The following MYO16 variants were observed in gnomAD, a reference collection of about 807,000 sequenced individuals.
MYO16 encodes unconventional myosin-XVI.
In MYO16, 94 loss-of-function variants were observed where a neutral mutation model predicts 205.3. The ratio of observed to expected loss-of-function variants is 0.46; its 90% CI spans 0.39 to 0.54. The LOEUF is 0.54. Among genes scored for constraint, MYO16 ranks in the 20% least tolerant of loss-of-function variants. The probability of loss-of-function intolerance (pLI) is 0.00; values close to 1 mark genes in which losing one functional copy is unlikely to be tolerated. For missense variants in MYO16, 2,315 were observed against 2,387.5 expected (o/e 0.97, Z 0.63); for synonymous variants, 988 against 954.0 (o/e 1.04, Z -0.66).
chr13:108,687,861 T>C (rs1175426916), intron 2 of MYO16, among the ~76,000 whole-genome samples: 3 of 152,126 alleles, frequency 2.0e-5, no homozygotes. Context: ...AAAATATAAT[T>C]TGAGAGCCTT....
chr13:108,767,370 G>A (rs1242286011), intron 4 of MYO16, among the ~76,000 whole-genome samples: 1 of 152,156 alleles, frequency 6.6e-6, no homozygotes, highest in Non-Finnish European at 1.5e-5. Flanking sequence ...CCAAAGTGCT[G>A]GGATTACAGG....
the MYO16 span, among the ~76,000 whole-genome samples, chr13:108,579,585 C>T: frequency 6.6e-6 from 1 of 151,796 alleles, no homozygotes; most frequent in Admixed American, 6.6e-5. Flanking sequence ...GGATTACAGG[C>T]GCCCTCCATC....
At chr13:108,836,660 T>C (rs779459022) in intron 9 of MYO16, among the ~76,000 whole-genome samples, 5 of 152,178 alleles carry the variant, frequency 3.3e-5, no homozygotes, top group Non-Finnish European at 7.3e-5. Flanking sequence ...GGAGCCCACC[T>C]CTTGCATCAG....
At chr13:108,650,016 C>A (rs1880928493) in intron 1 of MYO16, among the ~76,000 whole-genome samples, 1 of 152,066 alleles carries the variant, frequency 6.6e-6, no homozygotes, top group Non-Finnish European at 1.5e-5. Context: ...AAAAATAAAA[C>A]AGGCATTGTA....
intron 4 of MYO16, among the ~76,000 whole-genome samples, chr13:108,732,255 G>C (rs1202969694): frequency 6.6e-6 from 1 of 152,134 alleles, no homozygotes; most frequent in Non-Finnish European, 1.5e-5. Flanking sequence ...CCGTCTGTGT[G>C]TACTCAAGGG....
At chr13:108,844,195 T>A in intron 9 of MYO16, 148 bp from the exon 10 acceptor site, 1 of 522,698 alleles carries the variant, frequency 1.9e-6, no homozygotes, top group Non-Finnish European at 3.1e-6. Flanking sequence ...TTTACAGATT[T>A]CTTACTAATT....
chr13:109,014,824 G>T (rs1202368017), intron 22 of MYO16, among the ~76,000 whole-genome samples: 2 of 152,152 alleles, frequency 1.3e-5, no homozygotes, highest in Admixed American at 6.5e-5. Context: ...GTATCCTGAG[G>T]CTTTGCTGAA....
At chr13:108,962,574 C>T (rs1057015886) in intron 19 of MYO16, 79 bp downstream of exon 19, 1 of 992,318 alleles carries the variant, frequency 1.0e-6, no homozygotes, top group Admixed American at 2.7e-5. Context: ...CTTGTCCCCA[C>T]TTAGTGAAAC....
rs1466798300 is a variant in MYO16, at chr13:109,055,126, G to A, written c.3129G>A (p.Arg1043=). The change falls in exon 26 of 35, where the codon AGG becomes AGA. Residue 1043 remains arginine (R), a splice_region_variant and synonymous_variant. Coordinates refer to ENST00000457511, the MANE Select transcript of MYO16 (RefSeq NM_001198950.3). The surrounding 1 kb of genome is among the most constrained non-coding windows in gnomAD (Gnocchi z 5.0). ...CAGTCACCATAGCATCACAACTCAG[G>A]GTTAGTGACGTTTTCAGATTTCAAA... ...GDPVTIASQL[R]KSLMDIIGKL... The A allele has an allele frequency of 1.3e-6, 2 of 1,568,694 alleles. No homozygotes were observed. Among genetic ancestry groups the A allele is most frequent in the Non-Finnish European group, 1.7e-6 (2 of 1,160,692 alleles).
rs1465942561 is a variant in MYO16 at position 108,787,201 on chromosome 13, T to C, written c.616+1458T>C. 2.6e-5 allele frequency among the ~76,000 whole-genome samples: 4 copies of C among 152,256 alleles called. 1 individual carries two copies. The highest frequency in any genetic ancestry group is 6.8e-3 in the Middle Eastern group (2 of 294). Reference sequence around the variant, plus strand: ...AGTGTGGGAGGAAATTTGAAGGTGATGGATATATTTATGGCATATAATGTG... The same window carrying C: ...AGTGTGGGAGGAAATTTGAAGGTGACGGATATATTTATGGCATATAATGTG... On this transcript the variant is annotated intron_variant, in intron 5 of 34. Transcript: ENST00000457511.
the MYO16 span, among the ~76,000 whole-genome samples, chr13:108,531,199 A>T: frequency 6.6e-6 from 1 of 152,202 alleles, no homozygotes; most frequent in Non-Finnish European, 1.5e-5. Context: ...CCGAGGTCAG[A>T]GTATGCAGGG....
chr13:108,680,983 T>C (rs1882437911), intron 2 of MYO16, among the ~76,000 whole-genome samples: 1 of 152,268 alleles, frequency 6.6e-6, no homozygotes, highest in African/African-American at 2.4e-5. Flanking sequence ...GTCCTTCTCA[T>C]GGTCTTGGTC....
At chr13:108,906,221 A>T (rs1446664186) in intron 15 of MYO16, among the ~76,000 whole-genome samples, 4 of 152,174 alleles carry the variant, frequency 2.6e-5, no homozygotes, top group Non-Finnish European at 5.9e-5. Flanking sequence ...CTCAAAAGGG[A>T]GGGATGTCCA....
rs370044085 is a variant in MYO16, at chr13:108,634,299, C to T, written c.28+4427C>T. Among the ~76,000 whole-genome samples the T allele has an allele frequency of 3.9e-5, 6 of 152,240 alleles. No homozygotes were observed. The East Asian group carries it at 1.2e-3, about 29-fold the overall frequency. On this transcript the variant is annotated intron_variant, in intron 1 of 34. Transcript: ENST00000457511. ...TGTCTGCGCATGTATTCCTCTTTGC[C>T]CACTTCTCACCTGCAGTCCTGAATT...
At chr13:108,548,325 T>G in the MYO16 span, among the ~76,000 whole-genome samples, 1 of 151,460 alleles carries the variant, frequency 6.6e-6, no homozygotes, top group African/African-American at 2.4e-5. Context: ...ATTGTTGTTG[T>G]GGTGGTGGTG....
chr13:108,652,728 A>G (rs1316232375), intron 1 of MYO16, among the ~76,000 whole-genome samples: 1 of 152,218 alleles, frequency 6.6e-6, no homozygotes, highest in Non-Finnish European at 1.5e-5. Context: ...CATGTACAAG[A>G]ACCTCTTCCA....
the MYO16 span, among the ~76,000 whole-genome samples, chr13:108,531,625 A>ATT: frequency 0.17 from 24,765 of 148,222 alleles, 2,240 homozygotes; most frequent in African/African-American, 0.22. Flanking sequence ...ATGCTTTCTA[A>ATT]TTTTTTTTTT....
At chr13:108,646,352 A>T (rs551328290) in intron 1 of MYO16, among the ~76,000 whole-genome samples, 1 of 152,306 alleles carries the variant, frequency 6.6e-6, no homozygotes, top group South Asian at 2.1e-4. Flanking sequence ...TTTTATTAAT[A>T]TATTCAGAAA....
chr13:108,855,640 A>G (rs1440230505), intron 11 of MYO16, 87 bp downstream of exon 11: 7 of 904,510 alleles, frequency 7.7e-6, no homozygotes, highest in Middle Eastern at 2.3e-4. Context: ...GTTGCAAGTA[A>G]AGGGCTCATT....
Sources: gnomAD v4.1 joint callset for allele counts (sites outside exome capture counted in the v4.1 genomes callset) on GRCh38, gnomAD v4.1.1 for gene constraint, Gnocchi (gnomAD v3.1) non-coding constraint, MANE v1.5 for transcripts, NCBI Gene and HGNC (gene_info 2026-07-23, HGNC 2026-07-21) for gene names.